Variants in INO80 observed in about 807,000 individuals in gnomAD.
INO80 encodes the protein chromatin-remodeling ATPase INO80.
Under a neutral mutation model 203.4 loss-of-function variants are expected in INO80, and 20 were observed. The observed-to-expected ratio is 0.10, with a 90% CI of 0.07 to 0.14. The LOEUF (loss-of-function observed/expected upper bound fraction) is 0.14, where lower values mean the gene tolerates loss of function less well. INO80 is among the 10% of genes least tolerant of loss of function. The pLI, the probability that INO80 is intolerant of heterozygous loss-of-function variation, is 1.00. For missense variants in INO80, 1,419 were observed against 1,914.4 expected (o/e 0.74, Z 4.83); for synonymous variants, 726 against 685.2 (o/e 1.06, Z -0.93).
chr15:40,981,643 C>T (rs1206409896), intron 35 of INO80, among the ~76,000 whole-genome samples: 3 of 152,156 alleles, frequency 2.0e-5, no homozygotes, highest in Admixed American at 6.5e-5. Flanking sequence ...ATACTAAGCC[C>T]ACGTATTGAA....
At position 41,113,370 on chromosome 15, in the gene INO80, G is replaced by A. The variant is rs369222309; in HGVS notation, c.-44+2603C>T. 2.8e-3 allele frequency among the ~76,000 whole-genome samples: 421 copies of A among 152,036 alleles called. 1 individual carries two copies. The highest frequency in any genetic ancestry group is 9.4e-3 in the African/African-American group (391 of 41,452). On this transcript the variant is annotated intron_variant, in intron 1 of 35. Transcript: ENST00000648947. Reference sequence around the variant, plus strand: ...CAACCTCCGCCTCCCGGGTTCAAGCGATTCTCCTGCCTCAGCCTCCTGAGT... The same window carrying A: ...CAACCTCCGCCTCCCGGGTTCAAGCAATTCTCCTGCCTCAGCCTCCTGAGT...
chr15:41,100,202 G>C (rs900336278), intron 1 of INO80, among the ~76,000 whole-genome samples: 1 of 152,012 alleles, frequency 6.6e-6, no homozygotes, highest in African/African-American at 2.4e-5. Flanking sequence ...AGCCTCCCGA[G>C]TAGCTGGGAC....
chr15:41,101,780 G>A (rs1235440451), intron 1 of INO80, among the ~76,000 whole-genome samples: 1 of 151,842 alleles, frequency 6.6e-6, no homozygotes, highest in African/African-American at 2.4e-5. Flanking sequence ...TCGATCTCCT[G>A]ACCTCGTGAT....
rs2044338399 is a variant in INO80 at position 41,023,960 on chromosome 15, G to A, written c.3049-2835C>T. On this transcript the variant is annotated intron_variant, in intron 25 of 35. Coordinates refer to ENST00000648947, the MANE Select transcript of INO80 (RefSeq NM_017553.3). ...AAAGACTCTGGGCTCATAGTCTCGA[G>A]ATGAAAAGCCAAAAGCTAGAATCTC... Among the ~76,000 whole-genome samples the A allele has an allele frequency of 2.6e-5, 4 of 152,004 alleles. No homozygotes were observed. The South Asian group carries it at 8.3e-4, about 31-fold the overall frequency.
intron 28 of INO80, among the ~76,000 whole-genome samples, chr15:41,002,147 G>T (rs1465136141): frequency 6.6e-6 from 1 of 152,190 alleles, no homozygotes; most frequent in Admixed American, 6.5e-5. Context: ...TAGACAGAGG[G>T]TGTTAAAATG....
chr15:41,112,041 C>G (rs1438350799), intron 1 of INO80, among the ~76,000 whole-genome samples: 1 of 152,016 alleles, frequency 6.6e-6, no homozygotes, highest in East Asian at 1.9e-4. Flanking sequence ...AGTAGCTGAA[C>G]TATAGGCACA....
chr15:41,018,936 G>A (rs1414316963), intron 26 of INO80: 3 of 152,150 alleles, frequency 2.0e-5, no homozygotes, highest in Non-Finnish European at 4.4e-5. Context: ...TAAAACAGGA[G>A]CTTAAAAAAT....
chr15:41,082,075 C>A (rs1403701290), intron 7 of INO80, among the ~76,000 whole-genome samples: 1 of 151,098 alleles, frequency 6.6e-6, no homozygotes, highest in African/African-American at 2.4e-5. Flanking sequence ...TGTGGTGAAG[C>A]CCCATTTCTA....
At chr15:41,015,635 C>CA (rs1205318262) in intron 27 of INO80, among the ~76,000 whole-genome samples, 1 of 151,502 alleles carries the variant, frequency 6.6e-6, no homozygotes, top group African/African-American at 2.4e-5. Flanking sequence ...ATTGTAAAAT[C>CA]AAAAAAAGGA....
chr15:41,042,159 T>C (rs1447486618), intron 24 of INO80, among the ~76,000 whole-genome samples: 4 of 151,854 alleles, frequency 2.6e-5, no homozygotes, highest in Non-Finnish European at 5.9e-5. Flanking sequence ...ATTACAGGTA[T>C]GTGCCACCAC....
At chr15:41,102,205 C>T (rs691445) in intron 1 of INO80, among the ~76,000 whole-genome samples, 14,634 of 151,956 alleles carry the variant, frequency 0.096, 2,076 homozygotes, top group African/African-American at 0.31. Context: ...AAAGAAGATA[C>T]GACTATGTCT....
intron 6 of INO80, 81 bp downstream of exon 6, chr15:41,087,481 A>AAT: frequency 7.0e-7 from 1 of 1,418,978 alleles, no homozygotes; most frequent in South Asian, 1.3e-5. Context: ...ACTTATATAT[A>AAT]AAGTCCAAAT....
intron 25 of INO80, among the ~76,000 whole-genome samples, chr15:41,025,140 C>T (rs1282513803): frequency 6.6e-6 from 1 of 152,162 alleles, no homozygotes; most frequent in Non-Finnish European, 1.5e-5. Flanking sequence ...TCCCTGCTTG[C>T]CAACACATGT....
rs139900191 is a variant in INO80, at chr15:41,074,521, T to C, written c.1176A>G (p.Thr392=). The C allele has an allele frequency of 6.8e-6, 11 of 1,612,932 alleles. No homozygotes were observed. The African/African-American group carries it at 1.2e-4, about 18-fold the overall frequency. The change falls in exon 10 of 36, where the codon ACA becomes ACG. Residue 392 remains threonine, a synonymous_variant. Coordinates refer to ENST00000648947, the MANE Select transcript of INO80 (RefSeq NM_017553.3). ...QRKLNFLITQ[T]ELYAHFMSRK... is the part of the protein sequence containing the mutation. Reference sequence around the variant, plus strand: ...GACTCATGAAATGGGCATACAACTCTGTCTGGGTAATTAAGAAGTTGAGTT... The same window carrying C: ...GACTCATGAAATGGGCATACAACTCCGTCTGGGTAATTAAGAAGTTGAGTT...
intron 20 of INO80, 57 bp downstream of exon 20, chr15:41,049,878 A>G: frequency 1.3e-6 from 2 of 1,498,412 alleles, no homozygotes; most frequent in South Asian, 2.4e-5. Flanking sequence ...AGAGCAAGAC[A>G]ATTCTATCTC....
intron 1 of INO80, among the ~76,000 whole-genome samples, chr15:41,102,723 G>A (rs1360161905): frequency 2.6e-5 from 4 of 151,970 alleles, no homozygotes; most frequent in African/African-American, 7.3e-5. Context: ...AGGAGAGTTG[G>A]GTCTGATACA....
chr15:41,045,811 G>A (rs2044747937), intron 23 of INO80, among the ~76,000 whole-genome samples: 2 of 151,462 alleles, frequency 1.3e-5, no homozygotes, highest in African/African-American at 4.9e-5. Flanking sequence ...TGAGGCAGGA[G>A]AATAACTTGA....
intron 13 of INO80, among the ~76,000 whole-genome samples, chr15:41,070,158 T>C (rs563781253): frequency 1.3e-5 from 2 of 152,340 alleles, no homozygotes; most frequent in Admixed American, 6.5e-5. Flanking sequence ...ACACTGGTAA[T>C]AAGAGTAGAG....
chr15:41,090,173 A>G (rs2045614218), intron 5 of INO80, among the ~76,000 whole-genome samples: 1 of 152,252 alleles, frequency 6.6e-6, no homozygotes, highest in Non-Finnish European at 1.5e-5. Context: ...ACATGCTACA[A>G]CATTAATCAA....
Sources: allele counts gnomAD v4.1 joint callset (sites outside exome capture counted in the v4.1 genomes callset), GRCh38; gene constraint gnomAD v4.1.1; transcripts MANE v1.5; gene names NCBI Gene and HGNC (gene_info 2026-07-23, HGNC 2026-07-21).